The following IFRD2 variants were observed in gnomAD, a reference collection of about 807,000 sequenced individuals.
IFRD2 encodes the protein interferon related developmental regulator 2.
IFRD2 carries 35 observed loss-of-function variants against 49.2 expected under a neutral mutation model. That is an observed-to-expected ratio of 0.71 (90% confidence interval 0.54 to 0.94). The LOEUF (loss-of-function observed/expected upper bound fraction) is 0.94. Among genes scored for constraint, IFRD2 ranks in the 40% least tolerant of loss-of-function variants. IFRD2 has a pLI of 0.00. For synonymous variants in IFRD2, 275 were observed against 239.7 expected (o/e 1.15, Z -1.36); for missense variants, 561 against 591.6 (o/e 0.95, Z 0.54).
chr3:50,290,189 C>A lies in IFRD2; in HGVS notation c.369G>T (p.Leu123=). 6.2e-7 allele frequency: 1 copy of A among 1,613,828 alleles called. No individual in the cohort carries two copies. The highest frequency in any genetic ancestry group is 8.5e-7 in the Non-Finnish European group (1 of 1,179,760). ...LERRLTLADA[L]EKCLKKGKGE... ...TCCAACCTTTCTTGAGGCACTTTTC[C>A]AGGGCATCGGCTAGCGTGAGGCGGC... Residue 123 remains leucine (L), a synonymous_variant, in exon 4 of 12, where the codon CTG becomes CTT. Transcript: ENST00000417626.
chr3:50,292,290 C>CG lies in IFRD2; in HGVS notation c.-17dup, dbSNP rs1559803896. 2.6e-6 allele frequency: 4 copies of CG among 1,550,348 alleles called. No homozygotes were observed. Among genetic ancestry groups the CG allele is most frequent in the Non-Finnish European group, 1.7e-6 (2 of 1,152,260 alleles). Reference sequence around the variant, plus strand: ...CGCGAGGCATGCCGGGAACCGGGCGCGGGGGGCGCGGGGTCAGGGACCCGG... The same window carrying CG: ...CGCGAGGCATGCCGGGAACCGGGCGCGGGGGGGCGCGGGGTCAGGGACCCGG... On this transcript the variant is annotated 5_prime_UTR_variant, in exon 1 of 12. Transcript: ENST00000417626.
At chr3:50,291,366 C>G (rs187826966) in intron 1 of IFRD2, among the ~76,000 whole-genome samples, 1 of 152,254 alleles carries the variant, frequency 6.6e-6, no homozygotes, top group African/African-American at 2.4e-5. Context: ...TTCCCTCATT[C>G]ACTCCACTGC....
chr3:50,290,081 C>T lies in IFRD2; in HGVS notation c.394G>A (p.Gly132Ser). Reference protein sequence around the residue: ...ALEKCLKKGKGEEQALAAAVL... With the variant: ...ALEKCLKKGKSEEQALAAAVL... ...GCAGCAGCCAGGGCTTGTTCCTCGCCCTTCCCTGTGGGATGCTTTCCAGTC... is the reference window on the plus strand; with the variant it reads ...GCAGCAGCCAGGGCTTGTTCCTCGCTCTTCCCTGTGGGATGCTTTCCAGTC... The change falls in exon 5 of 12, where the codon GGC becomes AGC. Residue 132 changes from glycine to serine, a missense_variant. Transcript: ENST00000417626. 1 of 1,613,616 alleles carries T rather than the reference C, an allele frequency of 6.2e-7. No individual in the cohort carries two copies. Among genetic ancestry groups the T allele is most frequent in the Non-Finnish European group, 8.5e-7 (1 of 1,179,662 alleles).
At chr3:50,291,247 T>G (rs1553709777) in intron 1 of IFRD2, among the ~76,000 whole-genome samples, 1 of 152,036 alleles carries the variant, frequency 6.6e-6, no homozygotes. Context: ...TGGCCTCAGG[T>G]GATCTGCCTG....
chr3:50,288,057 C>T lies in IFRD2; in HGVS notation c.*134G>A. On this transcript the variant is annotated 3_prime_UTR_variant, in exon 12 of 12. Transcript: ENST00000417626. ...AAGTGTCCGGGCCCCCAGCTACCCA[C>T]CCCATGTCTGTTTTTGGTTTTGTCA... The T allele has an allele frequency of 2.4e-6, 2 of 816,474 alleles. No homozygotes were observed. Among genetic ancestry groups the T allele is most frequent in the Non-Finnish European group, 4.0e-6 (2 of 501,440 alleles). 50.6% of individuals were successfully genotyped at this position (816,474 alleles called of 1,614,324 possible). A position where few individuals can be genotyped will look rare whatever the true frequency, so the allele number is the denominator to read the frequency against.
At position 50,290,285 on chromosome 3, in the gene IFRD2, G is replaced by C. The variant is rs1553709564; in HGVS notation, c.273C>G (p.Thr91=). The C allele has an allele frequency of 6.2e-7, 1 of 1,611,156 alleles. No homozygotes were observed. Among genetic ancestry groups the C allele is most frequent in the Non-Finnish European group, 8.5e-7 (1 of 1,178,678 alleles). The change falls in exon 4 of 12, where the codon ACC becomes ACG. Residue 91 remains threonine (T), a synonymous_variant. Transcript: ENST00000417626. ...VDCLTDKSAK[T]RQGALESLRL... ...GCAGGCTCTCAAGAGCACCCTGCCGGGTCTTGGCACTGGGGGAGGTCGAGA... is the reference window on the plus strand; with the variant it reads ...GCAGGCTCTCAAGAGCACCCTGCCGCGTCTTGGCACTGGGGGAGGTCGAGA...
chr3:50,290,130 T>G, intron 4 of IFRD2, 40 bp downstream of exon 4: 1 of 1,612,628 alleles, frequency 6.2e-7, no homozygotes, highest in Non-Finnish European at 8.5e-7. Flanking sequence ...AGGGCCAGTG[T>G]CTGCCCAGTT....
In IFRD2 at chr3:50,292,398, C is replaced by A. The variant is rs1553709987; in HGVS notation, c.-124G>T. The A allele has an allele frequency of 4.4e-6, 7 of 1,589,838 alleles. No homozygotes were observed. Among genetic ancestry groups the A allele is most frequent in the Non-Finnish European group, 2.6e-6 (3 of 1,174,334 alleles). ...CAGACGACGGGAGCCACACGCCACG[C>A]GCGCCACCATCTTCGCGAGGCGCCC... On this transcript the variant is annotated 5_prime_UTR_variant, in exon 1 of 12. Transcript: ENST00000417626.
In IFRD2 at chr3:50,288,217, G is replaced by A. The variant is rs200330570; in HGVS notation, c.1303C>T (p.Arg435Trp). 11 of 1,613,750 alleles carry A rather than the reference G, an allele frequency of 6.8e-6. No homozygotes were observed. Among genetic ancestry groups the A allele is most frequent in the East Asian group, 2.2e-5 (1 of 44,874 alleles). ...CACAGGATGTCTGCCCGCTTGTCCC[G>A]CACACGGCTTCGAGCCTTGGTCCGG... ...KARTKARSRVRDKRADIL is the reference protein window; with the variant it reads ...KARTKARSRVWDKRADIL Residue 435 changes from arginine to tryptophan, a missense_variant, in exon 12 of 12, where the codon CGG (arginine) becomes TGG (tryptophan). Transcript: ENST00000417626.
In IFRD2 at chr3:50,288,126, G is replaced by A. The variant is rs1701591386; in HGVS notation, c.*65C>T. 7.5e-7 allele frequency: 1 copy of A among 1,328,600 alleles called. No homozygotes were observed. The highest frequency in any genetic ancestry group is 1.2e-5 in the South Asian group (1 of 82,496). 82.3% of individuals were successfully genotyped at this position (1,328,600 alleles called of 1,614,324 possible). On this transcript the variant is annotated 3_prime_UTR_variant, in exon 12 of 12. Coordinates refer to ENST00000417626, the MANE Select transcript of IFRD2 (RefSeq NM_006764.5). ...CAAATACTGGTGGAGACCAGTTGTT[G>A]CACTGTCTTCTGTTAAAAATACGGA...
In IFRD2 at chr3:50,289,752, G is replaced by A. The variant is rs1553709457; in HGVS notation, c.557C>T (p.Ala186Val). ...AGCCACGTAGCAGCCCAGGCCAAGG[G>A]CAGAAGCACACTGTTGGGAGAAGGG... ...SPAARLHCASALGLGCYVAAA... is the reference protein window; with the variant it reads ...SPAARLHCASVLGLGCYVAAA... The change falls in exon 6 of 12, where the codon GCC becomes GTC. Residue 186 changes from alanine to valine, a missense_variant. Physicochemically the swap from Ala to Val is moderately conservative, Grantham distance 64 (BLOSUM62 0). Transcript: ENST00000417626. 2.5e-6 allele frequency: 4 copies of A among 1,602,398 alleles called. No homozygotes were observed. Among genetic ancestry groups the A allele is most frequent in the East Asian group, 4.5e-5 (2 of 44,306 alleles).
At position 50,289,946 on chromosome 3, in the gene IFRD2, G is replaced by A; in HGVS notation, c.529C>T (p.Pro177Ser). 1 of 1,613,204 alleles carries A rather than the reference G, an allele frequency of 6.2e-7. No individual in the cohort carries two copies. The highest frequency in any genetic ancestry group is 8.5e-7 in the Non-Finnish European group (1 of 1,179,686). Residue 177 changes from proline to serine, a missense_variant, in exon 5 of 12, where the codon CCT (proline) becomes TCT (serine). Coordinates refer to ENST00000417626, the MANE Select transcript of IFRD2 (RefSeq NM_006764.5). ...VSVLSDSTAS[P>S]AARLHCASAL... is the part of the protein sequence containing the mutation. ...ACACTCACGTGGAGCCGGGCAGCAG[G>A]GCTAGCTGTGCTGTCACTGAGCACA...
chr3:50,290,138 G>GT, intron 4 of IFRD2, 32 bp downstream of exon 4: 1 of 1,612,610 alleles, frequency 6.2e-7, no homozygotes, highest in African/African-American at 1.3e-5. Flanking sequence ...TGTCTGCCCA[G>GT]TTTAAGTCTC....
In IFRD2 at chr3:50,288,847, G is replaced by A. The variant is rs782698506; in HGVS notation, c.976C>T (p.Arg326Cys). 8.7e-6 allele frequency: 14 copies of A among 1,613,488 alleles called. No homozygotes were observed. The highest frequency in any genetic ancestry group is 6.6e-5 in the South Asian group (6 of 90,966). ...CGGAAAGTAGAGCGCTGGCGCCGAC[G>A]ATCAGCCTTGGCACGGTACTTGTTA... ...DSNKYRAKAD[R>C]RRQRSTFRAV... Residue 326 changes from arginine to cysteine, a missense_variant, in exon 9 of 12, where the codon CGT (arginine) becomes TGT (cysteine). By Grantham distance (180) the Arg-to-Cys change is radical. Transcript: ENST00000417626.
In IFRD2 at chr3:50,288,228, C is replaced by A. The variant is rs369995042; in HGVS notation, c.1292G>T (p.Arg431Leu). The part of the protein sequence containing the change: ...AAAFKARTKA[R>L]SRVRDKRADI... ...TGCCCGCTTGTCCCGCACACGGCTT[C>A]GAGCCTTGGTCCGGGCTTTGAAGGC... The change falls in exon 12 of 12, where the codon CGA becomes CTA. Residue 431 changes from arginine (R) to leucine (L), a missense_variant. Transcript: ENST00000417626. 1.2e-6 allele frequency: 2 copies of A among 1,613,800 alleles called. No individual in the cohort carries two copies. Among genetic ancestry groups the A allele is most frequent in the East Asian group, 2.2e-5 (1 of 44,898 alleles).
chr3:50,289,884 G>T, intron 5 of IFRD2, 45 bp downstream of exon 5: 1 of 1,609,720 alleles, frequency 6.2e-7, no homozygotes, highest in Non-Finnish European at 8.5e-7. Flanking sequence ...ACTCTGCTGA[G>T]GGATAAGGTG....
chr3:50,290,091 G>T lies in IFRD2; in HGVS notation c.389-5C>A. 1 of 1,613,424 alleles carries T rather than the reference G, an allele frequency of 6.2e-7. No homozygotes were observed. The highest frequency in any genetic ancestry group is 8.5e-7 in the Non-Finnish European group (1 of 1,179,554). ...GGGCTTGTTCCTCGCCCTTCCCTGT[G>T]GGATGCTTTCCAGTCAGCCCATGCA... On this transcript the variant is annotated splice_region_variant and splice_polypyrimidine_tract_variant and intron_variant, in intron 4 of 11. Coordinates refer to ENST00000417626, the MANE Select transcript of IFRD2 (RefSeq NM_006764.5).
Position 50,290,278 on chromosome 3 carries a change from C to T in IFRD2, c.280G>A (p.Gly94Ser). The T allele has an allele frequency of 6.2e-7, 1 of 1,611,500 alleles. No homozygotes were observed. The highest frequency in any genetic ancestry group is 8.5e-7 in the Non-Finnish European group (1 of 1,178,854). Residue 94 changes from glycine to serine, a missense_variant, in exon 4 of 12, where the codon GGT (glycine) becomes AGT (serine). Coordinates refer to ENST00000417626, the MANE Select transcript of IFRD2 (RefSeq NM_006764.5). The stretch of plus-strand genomic sequence containing the variant: ...GCCAGGCGCAGGCTCTCAAGAGCAC[C>T]CTGCCGGGTCTTGGCACTGGGGGAG... ...LTDKSAKTRQ[G>S]ALESLRLALA...
Position 50,289,754 on chromosome 3 carries a change from A to G in IFRD2, c.555T>C (p.Ser185=), listed in dbSNP as rs374829970. Residue 185 remains serine, a synonymous_variant, in exon 6 of 12, where the codon TCT becomes TCC. Transcript: ENST00000417626. The part of the protein sequence containing the change: ...ASPAARLHCA[S]ALGLGCYVAA... The stretch of plus-strand genomic sequence containing the variant: ...CCACGTAGCAGCCCAGGCCAAGGGC[A>G]GAAGCACACTGTTGGGAGAAGGGCA... 10 of 1,602,282 alleles carry G rather than the reference A, an allele frequency of 6.2e-6. No individual in the cohort carries two copies. The African/African-American group carries it at 8.0e-5, about 13-fold the overall frequency.
Sources: allele counts gnomAD v4.1 joint callset (sites outside exome capture counted in the v4.1 genomes callset), GRCh38; gene constraint gnomAD v4.1.1; transcripts MANE v1.5; gene names NCBI Gene and HGNC (gene_info 2026-07-23, HGNC 2026-07-21).